The following RERE variants were observed in gnomAD, a reference collection of about 807,000 sequenced individuals.
RERE encodes arginine-glutamic acid dipeptide repeats.
A neutral mutation model predicts 146.1 loss-of-function variants in RERE; 40 were observed. The observed-to-expected ratio is 0.27, with a 90% CI of 0.21 to 0.36. The LOEUF (loss-of-function observed/expected upper bound fraction) is 0.36, where lower values mean the gene tolerates loss of function less well. Among genes scored for constraint, RERE ranks in the 10% least tolerant of loss-of-function variants. RERE has a pLI of 1.00. For missense variants in RERE, 1,933 were observed against 2,138.7 expected, an observed-to-expected ratio of 0.90 and a Z score of 1.90; for synonymous variants, 1,003 against 866.0, an observed-to-expected ratio of 1.16 and a Z score of -2.78.
At chr1:8,659,955 A>G (rs1202830230) in intron 1 of RERE, among the ~76,000 whole-genome samples, 1 of 152,170 alleles carries the variant, frequency 6.6e-6, no homozygotes, top group Non-Finnish European at 1.5e-5. Context: ...GATGTCTATA[A>G]AACAAAATCC....
At chr1:8,760,369 A>G (rs764131572) in intron 1 of RERE, among the ~76,000 whole-genome samples, 1 of 152,192 alleles carries the variant, frequency 6.6e-6, no homozygotes, top group Non-Finnish European at 1.5e-5. Context: ...TACATCATTT[A>G]TATCAATCAC....
At chr1:8,739,463 G>A (rs1640264707) in intron 1 of RERE, among the ~76,000 whole-genome samples, 1 of 152,190 alleles carries the variant, frequency 6.6e-6, no homozygotes, top group Admixed American at 6.5e-5. Flanking sequence ...GCAAATGCCT[G>A]AGCACTGAAG....
intron 1 of RERE, among the ~76,000 whole-genome samples, chr1:8,787,991 C>T (rs1641289316): frequency 6.6e-6 from 1 of 151,968 alleles, no homozygotes; most frequent in African/African-American, 2.4e-5. Flanking sequence ...CCAGCTACTT[C>T]GGAAGCTGGG....
At position 8,360,651 on chromosome 1, in the gene RERE, C is replaced by G; in HGVS notation, c.2856G>C (p.Ser952=). ...CATTCATGGAGAAGGGTGAGGGCCC[C>G]GAGAGGTGGGGAGGGTGCTTGTGGG... The part of the protein sequence containing the change: ...PQAHKHPPHL[S]GPSPFSMNAN... Residue 952 remains serine, a synonymous_variant, in exon 18 of 23, where the codon TCG becomes TCC. Coordinates refer to ENST00000400908, the MANE Select transcript of RERE (RefSeq NM_001042681.2). 1 of 1,500,574 alleles carries G rather than the reference C, an allele frequency of 6.7e-7. No individual in the cohort carries two copies. Among genetic ancestry groups the G allele is most frequent in the Admixed American group, 2.2e-5 (1 of 44,778 alleles). The allele number at this position is 1,500,574 out of a possible 1,614,324, so 93.0% of individuals were successfully genotyped here.
At chr1:8,547,200 G>C (rs1645874728) in intron 6 of RERE, among the ~76,000 whole-genome samples, 1 of 151,724 alleles carries the variant, frequency 6.6e-6, no homozygotes, top group African/African-American at 2.4e-5. Context: ...GTGTAGTGCT[G>C]ACACATAGAC....
chr1:8,643,301 C>A (rs940660315), intron 2 of RERE, among the ~76,000 whole-genome samples: 2 of 152,178 alleles, frequency 1.3e-5, no homozygotes, highest in South Asian at 4.1e-4. Context: ...GACCTTTCAA[C>A]ATGTTTTTGC....
At chr1:8,557,569 C>T (rs775805054) in intron 4 of RERE, 46 bp from the exon 5 acceptor site, 3 of 1,293,372 alleles carry the variant, frequency 2.3e-6, no homozygotes, top group Admixed American at 3.4e-5. Flanking sequence ...TTTCAGGTGG[C>T]CACAAGTGCA....
At chr1:8,729,461 G>A (rs977519017) in intron 1 of RERE, among the ~76,000 whole-genome samples, 1 of 151,852 alleles carries the variant, frequency 6.6e-6, no homozygotes, top group Non-Finnish European at 1.5e-5. Context: ...TTGACCTTGT[G>A]ATCCACCCGC....
chr1:8,746,919 A>C (rs558146596), intron 1 of RERE, among the ~76,000 whole-genome samples: 3 of 150,804 alleles, frequency 2.0e-5, no homozygotes, highest in South Asian at 4.2e-4. Context: ...GGAGAGAGAG[A>C]CAGAGCCAGA....
At chr1:8,467,485 G>A (rs2124132504) in intron 10 of RERE, among the ~76,000 whole-genome samples, 1 of 152,280 alleles carries the variant, frequency 6.6e-6, no homozygotes. Context: ...TGCCTTCCTG[G>A]CAACTGCTGG....
intron 12 of RERE, among the ~76,000 whole-genome samples, chr1:8,403,659 C>G (rs1643342301): frequency 6.6e-6 from 1 of 151,716 alleles, no homozygotes; most frequent in Non-Finnish European, 1.5e-5. Flanking sequence ...AGCCACAGCC[C>G]CCAGCCTATA....
At chr1:8,735,078 G>C (rs1640170376) in intron 1 of RERE, among the ~76,000 whole-genome samples, 1 of 152,110 alleles carries the variant, frequency 6.6e-6, no homozygotes, top group Admixed American at 6.6e-5. Context: ...ACTTTACTTA[G>C]ACTATCTAAC....
At chr1:8,789,301 A>AAAAAAAAAAAAAAAAAAAAATATAT in intron 1 of RERE, among the ~76,000 whole-genome samples, 1 of 24,814 alleles carries the variant, frequency 4.0e-5, no homozygotes, top group African/African-American at 2.3e-4. Context: ...AAAAAAAAAA[A>AAAAAAAAAAAAAAAAAAAAATATAT]ATATATATAT....
intron 15 of RERE, 111 bp downstream of exon 15, chr1:8,363,945 C>T (rs754820128): frequency 1.0e-6 from 1 of 999,310 alleles, no homozygotes; most frequent in East Asian, 2.6e-5. Context: ...CCCTCCAGGA[C>T]TTTGTCTGGT....
chr1:8,474,435 C>T (rs1185696583), intron 10 of RERE, among the ~76,000 whole-genome samples: 3 of 152,202 alleles, frequency 2.0e-5, no homozygotes, highest in Non-Finnish European at 4.4e-5. Flanking sequence ...CATGTCCAAG[C>T]ACCTCATTAA....
At chr1:8,613,140 T>C (rs1264697827) in intron 4 of RERE, among the ~76,000 whole-genome samples, 1 of 152,152 alleles carries the variant, frequency 6.6e-6, no homozygotes, top group Non-Finnish European at 1.5e-5. Context: ...TCACCATCTT[T>C]CCCCGTTCCA....
At chr1:8,579,943 G>A (rs1646343235) in intron 4 of RERE, among the ~76,000 whole-genome samples, 1 of 152,250 alleles carries the variant, frequency 6.6e-6, no homozygotes, top group Non-Finnish European at 1.5e-5. Context: ...GGTGGAGGTT[G>A]CAGTGAACTG....
chr1:8,379,840 C>A (rs1642382991), intron 12 of RERE, among the ~76,000 whole-genome samples: 1 of 152,202 alleles, frequency 6.6e-6, no homozygotes. Flanking sequence ...AGTTGAATGC[C>A]AGATGGACCT....
intron 4 of RERE, among the ~76,000 whole-genome samples, chr1:8,614,110 C>T (rs551635893): frequency 1.2e-4 from 19 of 152,260 alleles, no homozygotes; most frequent in African/African-American, 4.6e-4. Context: ...TGGAGAAAAG[C>T]CTCGCTATTT....
Sources: gnomAD v4.1 joint callset for allele counts (sites outside exome capture counted in the v4.1 genomes callset) on GRCh38, gnomAD v4.1.1 for gene constraint, MANE v1.5 for transcripts, NCBI Gene and HGNC (gene_info 2026-07-23, HGNC 2026-07-21) for gene names.